Variants in STXBP4 observed in about 807,000 individuals in gnomAD.
STXBP4 encodes the protein syntaxin binding protein 4.
A neutral mutation model predicts 76.1 loss-of-function variants in STXBP4; 55 were observed. That is an observed-to-expected ratio of 0.72 (90% CI 0.58 to 0.91). The LOEUF (loss-of-function observed/expected upper bound fraction) is 0.91, where lower values mean the gene tolerates loss of function less well. STXBP4 is among the 40% of genes least tolerant of loss of function. STXBP4 has a pLI of 0.00. For synonymous variants in STXBP4, 201 were observed against 220.2 expected (o/e 0.91, Z 0.77); for missense variants, 618 against 636.9 (o/e 0.97, Z 0.32).
intron 12 of STXBP4, among the ~76,000 whole-genome samples, chr17:55,068,304 T>C (rs982666536): frequency 2.6e-5 from 4 of 152,242 alleles, no homozygotes; most frequent in East Asian, 3.9e-4. Flanking sequence ...TATATCTCTT[T>C]GCAGTCTCAT....
chr17:55,195,084 G>A, the STXBP4 span, among the ~76,000 whole-genome samples: 3 of 152,196 alleles, frequency 2.0e-5, no homozygotes, highest in Non-Finnish European at 4.4e-5. Flanking sequence ...CAATGAGTGA[G>A]AAATGTTAAC....
intron 7 of STXBP4, among the ~76,000 whole-genome samples, chr17:55,004,557 T>C (rs1203012798): frequency 6.6e-6 from 1 of 151,870 alleles, no homozygotes; most frequent in Non-Finnish European, 1.5e-5. Context: ...AAAAATTAGC[T>C]GGGCATGGTG....
Position 55,165,973 on chromosome 17 carries a change from G to A in STXBP4, c.*6062G>A, listed in dbSNP as rs565332662. 1.3e-5 allele frequency: 2 copies of A among 152,330 alleles called. No homozygotes were observed. The highest frequency in any genetic ancestry group is 4.2e-4 in the South Asian group (2 of 4,818). The allele number at this position is 152,330 out of a possible 1,614,324, so 9.4% of individuals were successfully genotyped here. ...ATTGTTTATAAATTACCCAGTCTGA[G>A]ATATTTTGTTATAGCAGCTCCTGAA... is the stretch of plus-strand genomic sequence containing the variant. On this transcript the variant is annotated 3_prime_UTR_variant, in exon 18 of 18. Transcript: ENST00000376352.
chr17:55,002,589 A>G (rs1441732584), intron 7 of STXBP4, among the ~76,000 whole-genome samples: 2 of 152,220 alleles, frequency 1.3e-5, no homozygotes, highest in African/African-American at 2.4e-5. Flanking sequence ...TACTCTAAAA[A>G]GCATTCTGTC....
the STXBP4 span, among the ~76,000 whole-genome samples, chr17:55,203,602 T>G: frequency 6.6e-6 from 1 of 152,120 alleles, no homozygotes; most frequent in Non-Finnish European, 1.5e-5. Context: ...TTAACATGAG[T>G]AAAACTAGAC....
At chr17:55,113,892 A>G (rs1205083614) in intron 16 of STXBP4, among the ~76,000 whole-genome samples, 1 of 152,090 alleles carries the variant, frequency 6.6e-6, no homozygotes, top group East Asian at 1.9e-4. Context: ...GGGCTCAAGA[A>G]CGATATTACC....
chr17:55,044,819 A>G (rs976524903), intron 11 of STXBP4: 1 of 151,546 alleles, frequency 6.6e-6, no homozygotes, highest in African/African-American at 2.4e-5. Flanking sequence ...AAGTCACTTC[A>G]TCCACACTTT....
At chr17:55,021,011 G>A (rs969549902) in intron 8 of STXBP4, among the ~76,000 whole-genome samples, 2 of 151,894 alleles carry the variant, frequency 1.3e-5, no homozygotes, top group Non-Finnish European at 2.9e-5. Context: ...TGTACTTATC[G>A]CTATAGTTAT....
intron 17 of STXBP4, among the ~76,000 whole-genome samples, chr17:55,149,313 T>C (rs1469876287): frequency 1.3e-5 from 2 of 152,082 alleles, no homozygotes; most frequent in Non-Finnish European, 2.9e-5. Context: ...GTTGGCAGTC[T>C]GCGGAAGCAA....
chr17:54,976,057 A>T (rs1171138933), intron 1 of STXBP4, among the ~76,000 whole-genome samples: 1 of 152,168 alleles, frequency 6.6e-6, no homozygotes, highest in Non-Finnish European at 1.5e-5. Flanking sequence ...AAGAGCAATG[A>T]TCTTGACTTG....
At chr17:55,131,386 C>T (rs1413233705) in intron 16 of STXBP4, among the ~76,000 whole-genome samples, 3 of 152,160 alleles carry the variant, frequency 2.0e-5, no homozygotes, top group African/African-American at 7.2e-5. Flanking sequence ...TGAATGACAT[C>T]CCATAGGGAT....
intron 12 of STXBP4, among the ~76,000 whole-genome samples, chr17:55,048,529 C>T (rs925632424): frequency 6.6e-6 from 1 of 151,804 alleles, no homozygotes; most frequent in Admixed American, 6.6e-5. Flanking sequence ...ACACTCCATA[C>T]TCAAGGGAAT....
chr17:55,037,841 G>A (rs749341094), intron 10 of STXBP4, among the ~76,000 whole-genome samples: 10 of 152,140 alleles, frequency 6.6e-5, no homozygotes, highest in Non-Finnish European at 1.3e-4. Context: ...AATGGGTGAT[G>A]TAACAGTCTG....
chr17:54,985,209 T>A (rs2077610027), intron 1 of STXBP4, among the ~76,000 whole-genome samples: 1 of 152,222 alleles, frequency 6.6e-6, no homozygotes, highest in Non-Finnish European at 1.5e-5. Context: ...TCAAGGCACC[T>A]ACTGTACCTC....
At chr17:54,977,399 A>G (rs2077488279) in intron 1 of STXBP4, among the ~76,000 whole-genome samples, 1 of 152,184 alleles carries the variant, frequency 6.6e-6, no homozygotes, top group Non-Finnish European at 1.5e-5. Flanking sequence ...TGCCCTAAAT[A>G]ATATAGCATA....
intron 8 of STXBP4, among the ~76,000 whole-genome samples, chr17:55,027,158 G>A (rs916545579): frequency 1.3e-5 from 2 of 152,134 alleles, no homozygotes; most frequent in African/African-American, 4.8e-5. Flanking sequence ...GAACAGTACT[G>A]CCCGTGGCCA....
the STXBP4 span, among the ~76,000 whole-genome samples, chr17:55,209,635 A>G: frequency 6.6e-6 from 1 of 152,240 alleles, no homozygotes; most frequent in Non-Finnish European, 1.5e-5. Flanking sequence ...TTTAAAGTAC[A>G]GTCCACCTGT....
chr17:55,212,379 C>T, the STXBP4 span, among the ~76,000 whole-genome samples: 1 of 152,118 alleles, frequency 6.6e-6, no homozygotes, highest in Non-Finnish European at 1.5e-5. Flanking sequence ...TATATTCCTT[C>T]CAGAAATATG....
chr17:55,183,673 A>G, the STXBP4 span, among the ~76,000 whole-genome samples: 30,435 of 152,134 alleles, frequency 0.2, 3,367 homozygotes, highest in Middle Eastern at 0.37. Flanking sequence ...AAAAGGATAT[A>G]AAAAGCAAAT....
Sources: gnomAD v4.1 joint callset for allele counts (sites outside exome capture counted in the v4.1 genomes callset) on GRCh38, gnomAD v4.1.1 for gene constraint, MANE v1.5 for transcripts, NCBI Gene and HGNC (gene_info 2026-07-23, HGNC 2026-07-21) for gene names.